RBM19: variants seen among roughly 807,000 people sequenced by gnomAD.
RBM19 encodes probable RNA-binding protein 19.
In RBM19, 94 loss-of-function variants were observed where a neutral mutation model predicts 116.8. That is an observed-to-expected ratio of 0.80 (90% confidence interval 0.68 to 0.95). The LOEUF (loss-of-function observed/expected upper bound fraction) is 0.95. Among genes scored for constraint, RBM19 ranks in the 40% least tolerant of loss-of-function variants. The pLI, the probability that RBM19 is intolerant of heterozygous loss-of-function variation, is 0.00. For missense variants in RBM19, 1,161 were observed against 1,220.7 expected, an observed-to-expected ratio of 0.95 and a Z score of 0.73; for synonymous variants, 475 against 494.1, an observed-to-expected ratio of 0.96 and a Z score of 0.51.
At chr12:113,816,970 T>C (rs997034359) in exon 25 of RBM19, 1 of 152,252 alleles carries the variant, frequency 6.6e-6, no homozygotes, top group African/African-American at 2.4e-5. Context: ...AACGTTTGAC[T>C]GGCAACCATT....
chr12:113,910,695 T>G (rs1882374099), intron 21 of RBM19, among the ~76,000 whole-genome samples: 1 of 152,204 alleles, frequency 6.6e-6, no homozygotes, highest in African/African-American at 2.4e-5. Flanking sequence ...TGGGCTGCTG[T>G]GTGGACGAAC....
At position 113,955,328 on chromosome 12, in the gene RBM19, G is replaced by T. The variant is rs186499569; in HGVS notation, c.841-117C>A. Reference sequence around the variant, plus strand: ...AGGTGCCTGCCGCCAGGGGGAGCTGGGGAATGCTGGGAAGAATCAATGTCC... The same window carrying T: ...AGGTGCCTGCCGCCAGGGGGAGCTGTGGAATGCTGGGAAGAATCAATGTCC... On this transcript the variant is annotated intron_variant, in intron 6 of 23. Coordinates refer to ENST00000261741, the MANE Select transcript of RBM19 (RefSeq NM_016196.4). The T allele has an allele frequency of 1.8e-4, 170 of 938,210 alleles. 2 individuals carry two copies. In the East Asian group the frequency reaches 3.9e-3, roughly 21 times the overall value. The allele number at this position is 938,210 out of a possible 1,614,324, so 58.1% of individuals were successfully genotyped here.
At chr12:113,936,980 C>G in intron 16 of RBM19, 27 bp downstream of exon 16, 2 of 1,608,064 alleles carry the variant, frequency 1.2e-6, no homozygotes, top group Non-Finnish European at 1.7e-6. Context: ...GATCCCAAGC[C>G]ATCCTGGTCT....
intron 13 of RBM19, among the ~76,000 whole-genome samples, 160 bp from the exon 14 acceptor site, chr12:113,942,594 C>CTTTTTT (rs71443067): frequency 7.9e-6 from 1 of 125,856 alleles, no homozygotes; most frequent in African/African-American, 3.1e-5. Flanking sequence ...CGGCTCTGTG[C>CTTTTTT]TTTTTTTTTT....
At chr12:113,853,227 GA>G (rs1484217131) in intron 22 of RBM19, among the ~76,000 whole-genome samples, 1 of 152,210 alleles carries the variant, frequency 6.6e-6, no homozygotes, top group Non-Finnish European at 1.5e-5. Flanking sequence ...AATGAGGAAG[GA>G]GACATTAACT....
chr12:113,950,213 C>T (rs1871356437), intron 8 of RBM19, 59 bp from the exon 9 acceptor site: 1 of 1,393,918 alleles, frequency 7.2e-7, no homozygotes, highest in South Asian at 1.2e-5. Context: ...TTGTGGTGGT[C>T]CCCAGAGGAA....
At chr12:113,820,567 C>T (rs1199475983), downstream of RBM19, among the ~76,000 whole-genome samples, 1 of 152,102 alleles carries the variant, frequency 6.6e-6, no homozygotes, top group African/African-American at 2.4e-5. Context: ...AAGCTGCAGA[C>T]TGACATGATC....
At chr12:113,920,727 A>C in intron 18 of RBM19, 37 bp from the exon 19 acceptor site, 1 of 1,588,170 alleles carries the variant, frequency 6.3e-7, no homozygotes, top group Non-Finnish European at 8.6e-7. Context: ...CAGTCGGTGA[A>C]GCGGAAGCAC....
chr12:113,922,076 C>T (rs992970567), intron 18 of RBM19, among the ~76,000 whole-genome samples: 3 of 152,134 alleles, frequency 2.0e-5, no homozygotes, highest in Non-Finnish European at 2.9e-5. Context: ...GCAGTGGCCA[C>T]GTCCAATCCA....
At position 113,918,535 on chromosome 12, in the gene RBM19, C is replaced by G. The variant is rs1593583864; in HGVS notation, c.2386-88G>C. ...CCTTCACCAGAGCAGAGCCCTGGCT[C>G]GCAGATGGGAGCCTGATTGTTCCCC... On this transcript the variant is annotated intron_variant, in intron 19 of 23. Transcript: ENST00000261741. 11 of 1,394,954 alleles carry G rather than the reference C, an allele frequency of 7.9e-6. No individual in the cohort carries two copies. The East Asian group carries it at 2.6e-4, about 32-fold the overall frequency. The allele number at this position is 1,394,954 out of a possible 1,614,324, so 86.4% of individuals were successfully genotyped here.
At chr12:113,957,453 G>A (rs1394137842) in intron 6 of RBM19, among the ~76,000 whole-genome samples, 1 of 152,100 alleles carries the variant, frequency 6.6e-6, no homozygotes, top group Non-Finnish European at 1.5e-5. Context: ...TATAATCCCA[G>A]CTACTCAGGA....
At position 113,924,699 on chromosome 12, in the gene RBM19, G is replaced by A; in HGVS notation, c.2303C>T (p.Ala768Val). 1 of 1,542,168 alleles carries A rather than the reference G, an allele frequency of 6.5e-7. No individual in the cohort carries two copies. The highest frequency in any genetic ancestry group is 1.4e-5 in the African/African-American group (1 of 73,352). The change falls in exon 18 of 24, where the codon GCA (alanine) becomes GTA (valine). Residue 768 changes from alanine to valine, a missense_variant and splice_region_variant. Transcript: ENST00000261741. ...TTTCCGAATTTCATGCGGAATACCT[G>A]CTTTGTTCTTCTTCTTGGAGATGGA... is the stretch of plus-strand genomic sequence containing the variant. ...SCSISKKKNK[A>V]GVLLSMGFGF...
At chr12:113,941,857 T>C (rs1050036199) in intron 14 of RBM19, among the ~76,000 whole-genome samples, 11 of 152,216 alleles carry the variant, frequency 7.2e-5, no homozygotes, top group Admixed American at 3.3e-4. Flanking sequence ...ACTCTGAGCG[T>C]TGGTATCCCA....
intron 21 of RBM19, among the ~76,000 whole-genome samples, chr12:113,871,392 C>G (rs77908774): frequency 1.3e-5 from 2 of 152,180 alleles, no homozygotes; most frequent in Admixed American, 6.5e-5. Context: ...TGGCAGGTTC[C>G]TAAAAGACTT....
At chr12:113,920,539 C>T (rs1242218128) in intron 19 of RBM19, 72 bp downstream of exon 19, 9 of 1,354,538 alleles carry the variant, frequency 6.6e-6, no homozygotes, top group Middle Eastern at 1.8e-4. Context: ...CACTCAATTT[C>T]AGAGGGCTGA....
intron 9 of RBM19, 37 bp downstream of exon 9, chr12:113,950,046 G>A: frequency 6.5e-7 from 1 of 1,528,370 alleles, no homozygotes; most frequent in Non-Finnish European, 9.0e-7. Flanking sequence ...AAGGAACGCT[G>A]TAACACAGAG....
intron 21 of RBM19, among the ~76,000 whole-genome samples, chr12:113,892,053 C>T (rs1190029847): frequency 6.6e-6 from 1 of 152,132 alleles, no homozygotes; most frequent in Non-Finnish European, 1.5e-5. Context: ...AAGGATCAGC[C>T]CGGTGTAACT....
intron 23 of RBM19, among the ~76,000 whole-genome samples, chr12:113,830,650 G>A (rs1010653597): frequency 6.7e-5 from 10 of 149,456 alleles, no homozygotes; most frequent in Non-Finnish European, 1.3e-4. Flanking sequence ...TACAGATACT[G>A]GCAGACCTGT....
At chr12:113,928,661 G>GTC (rs545443315) in intron 16 of RBM19, among the ~76,000 whole-genome samples, 3 of 149,396 alleles carry the variant, frequency 2.0e-5, no homozygotes, top group East Asian at 4.2e-4. Flanking sequence ...GTGTGTGTGT[G>GTC]TCTGCAGCTC....
Sources: allele counts gnomAD v4.1 joint callset (sites outside exome capture counted in the v4.1 genomes callset), GRCh38; gene constraint gnomAD v4.1.1; transcripts MANE v1.5; gene names NCBI Gene and HGNC (gene_info 2026-07-23, HGNC 2026-07-21).